NME7: variants seen among roughly 807,000 people sequenced by gnomAD.
NME7 encodes NME/NM23 family member 7.
A neutral mutation model predicts 49.1 loss-of-function variants in NME7; 41 were observed. The observed-to-expected ratio is 0.83, with a 90% CI of 0.65 to 1.08. NME7 has a LOEUF of 1.08. Ranked by LOEUF, NME7 falls within the 50% of genes least tolerant of loss-of-function variation. NME7 has a pLI of 0.00. For missense variants in NME7, 423 were observed against 463.4 expected (o/e 0.91, Z 0.80); for synonymous variants, 139 against 150.6 (o/e 0.92, Z 0.56).
chr1:169,364,560 T>C (rs1653779578), intron 1 of NME7, among the ~76,000 whole-genome samples: 1 of 152,018 alleles, frequency 6.6e-6, no homozygotes, highest in South Asian at 2.1e-4. Context: ...TCAACCCTCT[T>C]TGAGTAGGGA....
chr1:169,172,017 G>A (rs1375835371), intron 10 of NME7, among the ~76,000 whole-genome samples: 1 of 151,944 alleles, frequency 6.6e-6, no homozygotes, highest in Non-Finnish European at 1.5e-5. Flanking sequence ...AGTATCAACT[G>A]CCTTCTGCTC....
At chr1:169,256,234 C>T (rs1279853839) in intron 7 of NME7, among the ~76,000 whole-genome samples, 1 of 133,234 alleles carries the variant, frequency 7.5e-6, no homozygotes, top group African/African-American at 2.5e-5. Context: ...TTCACATAGT[C>T]CCATATTTCT....
intron 3 of NME7, among the ~76,000 whole-genome samples, chr1:169,317,068 C>T (rs1159379057): frequency 1.3e-5 from 2 of 151,798 alleles, no homozygotes; most frequent in African/African-American, 2.4e-5. Context: ...CAGCATATTT[C>T]AATGTACATG....
intron 10 of NME7, among the ~76,000 whole-genome samples, chr1:169,205,841 G>A (rs781626728): frequency 2.0e-5 from 3 of 152,100 alleles, no homozygotes; most frequent in Non-Finnish European, 4.4e-5. Context: ...CGCTCTATGT[G>A]ATCTTCTTTC....
intron 10 of NME7, among the ~76,000 whole-genome samples, chr1:169,187,258 G>C (rs902578229): frequency 4.6e-5 from 7 of 151,972 alleles, no homozygotes; most frequent in Admixed American, 1.3e-4. Flanking sequence ...ATGTCTATTG[G>C]GTCTGCTTGG....
At chr1:169,341,477 G>A (rs1447045490) in intron 1 of NME7, among the ~76,000 whole-genome samples, 1 of 152,214 alleles carries the variant, frequency 6.6e-6, no homozygotes, top group African/African-American at 2.4e-5. Flanking sequence ...GGGAAAATGT[G>A]GGGTCAGGGT....
chr1:169,211,148 A>G (rs1216919219), intron 10 of NME7, among the ~76,000 whole-genome samples: 1 of 152,184 alleles, frequency 6.6e-6, no homozygotes, highest in Non-Finnish European at 1.5e-5. Flanking sequence ...AGAGGATACA[A>G]TTACCATATT....
intron 10 of NME7, among the ~76,000 whole-genome samples, chr1:169,177,970 A>G (rs1830493): frequency 0.37 from 55,778 of 151,586 alleles, 10,861 homozygotes; most frequent in East Asian, 0.73. Context: ...CTGAGCAGCT[A>G]GGACTACAGG....
At chr1:169,170,641 G>A (rs554067487) in intron 10 of NME7, among the ~76,000 whole-genome samples, 1 of 152,252 alleles carries the variant, frequency 6.6e-6, no homozygotes, top group African/African-American at 2.4e-5. Context: ...TCAGCTGCGC[G>A]TGGTGGCCCA....
intron 11 of NME7, among the ~76,000 whole-genome samples, chr1:169,153,020 A>G (rs1658954982): frequency 6.6e-6 from 1 of 152,082 alleles, no homozygotes; most frequent in African/African-American, 2.4e-5. Context: ...TGGCACTTGA[A>G]TTGAAACACT....
chr1:169,333,609 AAT>A (rs539624668), intron 1 of NME7, among the ~76,000 whole-genome samples: 1 of 152,072 alleles, frequency 6.6e-6, no homozygotes, highest in Non-Finnish European at 1.5e-5. Flanking sequence ...GAACCCCATA[AAT>A]ATATATATCT....
chr1:169,296,663 A>C (rs2101904611), intron 6 of NME7, among the ~76,000 whole-genome samples: 2 of 152,206 alleles, frequency 1.3e-5, no homozygotes, highest in Admixed American at 1.3e-4. Context: ...AATGTCCAAA[A>C]CGTTAACTCC....
At chr1:169,226,886 T>G (rs974127052) in intron 10 of NME7, among the ~76,000 whole-genome samples, 1 of 152,130 alleles carries the variant, frequency 6.6e-6, no homozygotes, top group Non-Finnish European at 1.5e-5. Flanking sequence ...TATGAGGAAC[T>G]TATAGACAAC....
At chr1:169,218,115 C>A (rs972416710) in intron 10 of NME7, among the ~76,000 whole-genome samples, 3 of 152,060 alleles carry the variant, frequency 2.0e-5, no homozygotes, top group Non-Finnish European at 4.4e-5. Flanking sequence ...TTCTCTTTCC[C>A]CAGGCTCAGC....
intron 3 of NME7, among the ~76,000 whole-genome samples, chr1:169,311,977 A>G (rs373585410): frequency 6.6e-6 from 1 of 152,234 alleles, no homozygotes; most frequent in African/African-American, 2.4e-5. Flanking sequence ...TCAGCATCAT[A>G]TGTGTTAATT....
At position 169,165,608 on chromosome 1, in the gene NME7, A is replaced by C. The variant is rs74771976; in HGVS notation, c.1098+3839T>G. Among the ~76,000 whole-genome samples, 928 of 152,300 alleles carry C rather than the reference A, an allele frequency of 6.1e-3. 9 individuals are homozygous for C. The highest frequency in any genetic ancestry group is 0.021 in the African/African-American group (875 of 41,570). On this transcript the variant is annotated intron_variant, in intron 11 of 11. Transcript: ENST00000367811. ...TTTATGGTCACTCTGCATCTAAAGG[A>C]TGTCCCCCTAATGAAGAGCTGATCC...
intron 11 of NME7, among the ~76,000 whole-genome samples, chr1:169,155,952 T>C (rs1659055352): frequency 6.6e-6 from 1 of 152,038 alleles, no homozygotes; most frequent in Admixed American, 6.6e-5. Flanking sequence ...CTTGTTAGAA[T>C]GCAAATTCTC....
At chr1:169,247,158 A>G (rs1648358619) in intron 7 of NME7, 1 of 450,484 alleles carries the variant, frequency 2.2e-6, no homozygotes, top group African/African-American at 2.0e-5. Flanking sequence ...CAGTCTAAGA[A>G]AAACAAAATA....
intron 10 of NME7, among the ~76,000 whole-genome samples, chr1:169,221,889 T>C (rs1661154012): frequency 6.6e-6 from 1 of 151,858 alleles, no homozygotes; most frequent in Non-Finnish European, 1.5e-5. Flanking sequence ...TGTTGCCCAG[T>C]CTGGTCTGTT....
Sources: gnomAD v4.1 joint callset for allele counts (sites outside exome capture counted in the v4.1 genomes callset) on GRCh38, gnomAD v4.1.1 for gene constraint, MANE v1.5 for transcripts, NCBI Gene and HGNC (gene_info 2026-07-23, HGNC 2026-07-21) for gene names.